PRKN: variants seen among roughly 807,000 people sequenced by gnomAD.
The protein encoded by PRKN is parkin RBR E3 ubiquitin protein ligase, also known as E3 ubiquitin-protein ligase parkin.
PRKN carries 56 observed loss-of-function variants against 59.5 expected under a neutral mutation model. The ratio of observed to expected loss-of-function variants is 0.94; its 90% confidence interval spans 0.76 to 1.18. The LOEUF is 1.18. Ranked by LOEUF, PRKN falls within the 50% of genes most tolerant of loss-of-function variation. The pLI is 0.00. For synonymous variants in PRKN, 250 were observed against 222.1 expected, an observed-to-expected ratio of 1.13 and a Z score of -1.12; for missense variants, 657 against 596.4, an observed-to-expected ratio of 1.10 and a Z score of -1.06.
intron 2 of PRKN, among the ~76,000 whole-genome samples, chr6:162,343,466 G>A (rs1583413945): frequency 6.6e-6 from 1 of 152,150 alleles, no homozygotes; most frequent in African/African-American, 2.4e-5. Flanking sequence ...AAGTTGCATT[G>A]CTATCCTGGT....
At chr6:162,041,791 T>C (rs1197444113) in intron 5 of PRKN, among the ~76,000 whole-genome samples, 3 of 152,184 alleles carry the variant, frequency 2.0e-5, no homozygotes, top group African/African-American at 7.2e-5. Context: ...AATTGTGACT[T>C]TGTAGACTCC....
At chr6:162,382,362 G>A (rs141921614) in intron 2 of PRKN, among the ~76,000 whole-genome samples, 4 of 152,176 alleles carry the variant, frequency 2.6e-5, no homozygotes, top group African/African-American at 9.6e-5. Flanking sequence ...GAGATACTAA[G>A]GGTTCAGTTT....
chr6:161,637,765 G>A (rs1236040846), intron 7 of PRKN, among the ~76,000 whole-genome samples: 1 of 151,300 alleles, frequency 6.6e-6, no homozygotes, highest in African/African-American at 2.4e-5. Context: ...TCTTTGGATT[G>A]GCCCCAATTC....
At chr6:161,946,568 C>T (rs1779791259) in intron 6 of PRKN, among the ~76,000 whole-genome samples, 1 of 152,070 alleles carries the variant, frequency 6.6e-6, no homozygotes, top group Admixed American at 6.5e-5. Flanking sequence ...TATTCTGAAT[C>T]TGCTGAAGGG....
chr6:161,758,870 C>A (rs1789063992), intron 7 of PRKN, among the ~76,000 whole-genome samples: 1 of 152,156 alleles, frequency 6.6e-6, no homozygotes, highest in East Asian at 1.9e-4. Context: ...ATCTTAACCT[C>A]TTTTGTTTTG....
In PRKN at chr6:162,552,288, A is replaced by G. The variant is rs569257295; in HGVS notation, c.8-108815T>C. On this transcript the variant is annotated intron_variant, in intron 1 of 11. Coordinates refer to ENST00000366898, the MANE Select transcript of PRKN (RefSeq NM_004562.3). ...AAAGTGCTAAGTGCAATGTAGGGGG[A>G]AAAAACGGGGTTTTAGCAGGAAAGT... Among the ~76,000 whole-genome samples, 3 of 152,248 alleles carry G rather than the reference A, an allele frequency of 2.0e-5. No homozygotes were observed. In the South Asian group the frequency reaches 6.2e-4, roughly 32 times the overall value.
chr6:162,354,840 T>G (rs1034233828), intron 2 of PRKN, among the ~76,000 whole-genome samples: 1 of 152,068 alleles, frequency 6.6e-6, no homozygotes. Flanking sequence ...CTTTTATATT[T>G]TTGAACTAAG....
intron 2 of PRKN, among the ~76,000 whole-genome samples, chr6:162,312,633 C>T (rs1011262165): frequency 2.0e-5 from 3 of 152,140 alleles, no homozygotes; most frequent in Admixed American, 6.5e-5. Flanking sequence ...TCCCAGACAT[C>T]GAAGCAAGCA....
chr6:162,001,783 G>A (rs1430501389), intron 5 of PRKN, among the ~76,000 whole-genome samples: 1 of 150,172 alleles, frequency 6.7e-6, no homozygotes, highest in African/African-American at 2.4e-5. Flanking sequence ...GCCCACTGTA[G>A]GTTTTTTGTA....
rs149588903 is a variant in PRKN at position 162,056,707 on chromosome 6, G to T, written c.535-2533C>A. Reference sequence around the variant, plus strand: ...CTGCTACGGGTGGTGTGCAGAGCCTGAACTGTCTGCACAAACCATGGCTAT... The same window carrying T: ...CTGCTACGGGTGGTGTGCAGAGCCTTAACTGTCTGCACAAACCATGGCTAT... On this transcript the variant is annotated intron_variant, in intron 4 of 11. Coordinates refer to ENST00000366898, the MANE Select transcript of PRKN (RefSeq NM_004562.3). This position sits in a 1 kb window ranked among gnomAD's most constrained non-coding sequence, Gnocchi z 4.9. 4.8e-3 allele frequency among the ~76,000 whole-genome samples: 726 copies of T among 152,246 alleles called. 4 individuals are homozygous for T. The highest frequency in any genetic ancestry group is 0.017 in the African/African-American group (694 of 41,558).
chr6:162,288,056 T>C (rs554668987), intron 2 of PRKN, among the ~76,000 whole-genome samples: 8 of 152,294 alleles, frequency 5.3e-5, no homozygotes, highest in East Asian at 3.9e-4. Flanking sequence ...ATTAGAATCA[T>C]GCTCAAGAGC....
In PRKN at chr6:161,575,421, A is replaced by AAAACC. The variant is rs1562536179; in HGVS notation, c.872-6006_872-6005insGGTTT. Among the ~76,000 whole-genome samples, 1 of 152,164 alleles carries AAAACC rather than the reference A, an allele frequency of 6.6e-6. No homozygotes were observed. Among genetic ancestry groups the AAAACC allele is most frequent in the African/African-American group, 2.4e-5 (1 of 41,400 alleles). On this transcript the variant is annotated intron_variant, in intron 7 of 11. Coordinates refer to ENST00000366898, the MANE Select transcript of PRKN (RefSeq NM_004562.3). This position sits in a 1 kb window ranked among gnomAD's most constrained non-coding sequence, Gnocchi z 4.6. ...AACCCCAAACAAAACAAAACAAAACAAATACCTTTGAGAGATTAACTGAGC... is the reference window on the plus strand; with the variant it reads ...AACCCCAAACAAAACAAAACAAAACAAAACCAATACCTTTGAGAGATTAACTGAGC...
At chr6:162,654,847 G>C (rs199780686) in intron 1 of PRKN, among the ~76,000 whole-genome samples, 2 of 66,964 alleles carry the variant, frequency 3.0e-5, no homozygotes, top group East Asian at 6.6e-4. Context: ...GAGTGAAGTG[G>C]GGGGGGAAAT....
At chr6:162,137,953 C>G (rs1781617985) in intron 4 of PRKN, among the ~76,000 whole-genome samples, 1 of 151,722 alleles carries the variant, frequency 6.6e-6, no homozygotes, top group Admixed American at 6.6e-5. Context: ...GGACTGTGAT[C>G]CCGACGTGAA....
intron 7 of PRKN, among the ~76,000 whole-genome samples, chr6:161,573,857 A>G (rs1781029704): frequency 7.4e-6 from 1 of 135,010 alleles, no homozygotes; most frequent in African/African-American, 2.7e-5. Context: ...GCGGTCTTTT[A>G]TGTCACTCAA....
At chr6:162,679,379 C>T (rs7757044) in intron 1 of PRKN, among the ~76,000 whole-genome samples, 1,570 of 152,216 alleles carry the variant, frequency 0.01, 18 homozygotes, top group African/African-American at 0.036. Flanking sequence ...GCTAGAATTA[C>T]AGGTGTGAGC....
At chr6:162,170,863 T>G (rs1424003128) in intron 4 of PRKN, among the ~76,000 whole-genome samples, 1 of 152,204 alleles carries the variant, frequency 6.6e-6, no homozygotes, top group Non-Finnish European at 1.5e-5. Context: ...GTGTCTCATT[T>G]AAGTTAAATT....
At chr6:162,163,166 T>C (rs985607568) in intron 4 of PRKN, among the ~76,000 whole-genome samples, 3 of 149,384 alleles carry the variant, frequency 2.0e-5, no homozygotes, top group Admixed American at 1.3e-4. Context: ...GTGATGCCAG[T>C]GTCTCTAACT....
intron 5 of PRKN, among the ~76,000 whole-genome samples, chr6:161,977,813 T>C (rs1018436452): frequency 2.0e-5 from 3 of 150,976 alleles, no homozygotes; most frequent in Non-Finnish European, 4.4e-5. Context: ...TCCCAAAGTG[T>C]TGGGATTGTA....
Sources: allele counts gnomAD v4.1 joint callset (sites outside exome capture counted in the v4.1 genomes callset), GRCh38; gene constraint gnomAD v4.1.1; non-coding constraint Gnocchi (gnomAD v3.1); transcripts MANE v1.5; gene names NCBI Gene and HGNC (gene_info 2026-07-23, HGNC 2026-07-21).